Variants in SGCZ observed in about 807,000 individuals in gnomAD.
The protein encoded by SGCZ is sarcoglycan zeta, also known as zeta-sarcoglycan.
In SGCZ, 40 loss-of-function variants were observed where a neutral mutation model predicts 41.3. The observed-to-expected ratio is 0.97, with a 90% CI of 0.75 to 1.26. The LOEUF (loss-of-function observed/expected upper bound fraction) is 1.26. SGCZ is among the 50% of genes most tolerant of loss of function. The pLI, the probability that SGCZ is intolerant of heterozygous loss-of-function variation, is 0.00. For synonymous variants in SGCZ, 206 were observed against 137.5 expected, an observed-to-expected ratio of 1.50 and a Z score of -3.49; for missense variants, 552 against 369.8, an observed-to-expected ratio of 1.49 and a Z score of -4.04.
chr8:14,237,499 C>CATCA, intron 4 of SGCZ, 93 bp downstream of exon 4: 1 of 1,159,236 alleles, frequency 8.6e-7, no homozygotes, highest in Admixed American at 1.9e-5. Flanking sequence ...ACAACAACAA[C>CATCA]AACAACAACG....
chr8:14,263,878 G>A (rs1315699441), intron 3 of SGCZ, among the ~76,000 whole-genome samples: 3 of 152,116 alleles, frequency 2.0e-5, no homozygotes, highest in Non-Finnish European at 2.9e-5. Context: ...GAAGCGAGAG[G>A]GAAGTAATTG....
intron 1 of SGCZ, among the ~76,000 whole-genome samples, chr8:14,670,088 A>T (rs1437856062): frequency 6.6e-6 from 1 of 152,210 alleles, no homozygotes; most frequent in African/African-American, 2.4e-5. Flanking sequence ...ATTCAACTCC[A>T]GCAGGAATTT....
intron 3 of SGCZ, among the ~76,000 whole-genome samples, chr8:14,291,118 T>C (rs1800826605): frequency 6.6e-6 from 1 of 152,044 alleles, no homozygotes; most frequent in African/African-American, 2.4e-5. Context: ...TCTAAAAAGT[T>C]TTTATCACAA....
At chr8:14,203,312 G>A (rs1805516476) in intron 4 of SGCZ, among the ~76,000 whole-genome samples, 1 of 152,192 alleles carries the variant, frequency 6.6e-6, no homozygotes, top group African/African-American at 2.4e-5. Flanking sequence ...GACGAGAAGA[G>A]TGTAGGAGAT....
chr8:15,132,433 G>A (rs1807945395), intron 1 of SGCZ, among the ~76,000 whole-genome samples: 1 of 152,130 alleles, frequency 6.6e-6, no homozygotes, highest in Admixed American at 6.6e-5. Flanking sequence ...GCCATCACAT[G>A]CCTCATGGAG....
chr8:14,096,722 T>A lies in SGCZ; in HGVS notation c.744+5654A>T, dbSNP rs1159249349. On this transcript the variant is annotated intron_variant, in intron 7 of 7. Coordinates refer to ENST00000382080, the MANE Select transcript of SGCZ (RefSeq NM_139167.4). ...ACCTCTGGTAGAATTCAGCTTTGTA[T>A]CTGTCTGGTCCAGAACTTTTTTTGG... is the stretch of plus-strand genomic sequence containing the variant. 2.6e-5 allele frequency among the ~76,000 whole-genome samples: 4 copies of A among 152,286 alleles called. No individual in the cohort carries two copies. The East Asian group carries it at 7.7e-4, about 29-fold the overall frequency.
intron 2 of SGCZ, among the ~76,000 whole-genome samples, chr8:14,422,883 C>T (rs986923063): frequency 2.0e-5 from 3 of 152,026 alleles, no homozygotes; most frequent in African/African-American, 4.8e-5. Context: ...TAAAAATTAG[C>T]CAGGCATGGT....
At chr8:15,067,219 T>A (rs28721284) in intron 1 of SGCZ, among the ~76,000 whole-genome samples, 25,178 of 152,066 alleles carry the variant, frequency 0.17, 2,380 homozygotes, top group African/African-American at 0.25. Context: ...TCCTCCGGCT[T>A]GCCTACACAC....
chr8:14,933,125 CAT>C (rs1329662766), intron 1 of SGCZ, among the ~76,000 whole-genome samples: 1 of 151,952 alleles, frequency 6.6e-6, no homozygotes, highest in African/African-American at 2.4e-5. Flanking sequence ...ACCTAGGTAA[CAT>C]AGTGTTTGGC....
chr8:14,495,324 G>A (rs1435653783), intron 2 of SGCZ, among the ~76,000 whole-genome samples: 2 of 152,128 alleles, frequency 1.3e-5, no homozygotes, highest in Non-Finnish European at 2.9e-5. Flanking sequence ...CTTTCATTGA[G>A]TAACTATTGC....
intron 1 of SGCZ, among the ~76,000 whole-genome samples, chr8:14,637,029 A>G (rs1806852227): frequency 6.6e-6 from 1 of 151,494 alleles, no homozygotes; most frequent in Non-Finnish European, 1.5e-5. Flanking sequence ...TCTGGCCTTC[A>G]TTGCAATCTC....
chr8:14,459,828 T>C (rs1335215570), intron 2 of SGCZ, among the ~76,000 whole-genome samples: 1 of 151,994 alleles, frequency 6.6e-6, no homozygotes, highest in Non-Finnish European at 1.5e-5. Flanking sequence ...CGCAATATAA[T>C]CAAAAGAAAA....
At chr8:14,458,437 T>C (rs1267333442) in intron 2 of SGCZ, among the ~76,000 whole-genome samples, 1 of 152,146 alleles carries the variant, frequency 6.6e-6, no homozygotes, top group Non-Finnish European at 1.5e-5. Flanking sequence ...AAACCACATG[T>C]ATATTAGGAT....
chr8:15,228,417 G>A (rs1311507152), intron 1 of SGCZ, among the ~76,000 whole-genome samples: 1 of 152,154 alleles, frequency 6.6e-6, no homozygotes, highest in Non-Finnish European at 1.5e-5. Flanking sequence ...CTGAGGCATC[G>A]ACTTTAAGAA....
chr8:14,772,000 T>A (rs1368694282), intron 1 of SGCZ, among the ~76,000 whole-genome samples: 1 of 152,166 alleles, frequency 6.6e-6, no homozygotes, highest in Non-Finnish European at 1.5e-5. Flanking sequence ...TGATGATTTT[T>A]CAACTTTACA....
intron 1 of SGCZ, among the ~76,000 whole-genome samples, chr8:14,820,939 A>T (rs1380927359): frequency 1.3e-5 from 2 of 151,718 alleles, no homozygotes; most frequent in Non-Finnish European, 3.0e-5. Context: ...AAACACTAGA[A>T]AAAACTAAAC....
At chr8:14,672,192 G>T (rs919122881) in intron 1 of SGCZ, among the ~76,000 whole-genome samples, 12 of 152,070 alleles carry the variant, frequency 7.9e-5, no homozygotes, top group African/African-American at 2.9e-4. Flanking sequence ...CACTCATCTG[G>T]CAGTTAACTA....
chr8:14,088,558 A>C lies in SGCZ; in HGVS notation c.*1885T>G, dbSNP rs1368174271. On this transcript the variant is annotated 3_prime_UTR_variant, in exon 8 of 8. Coordinates refer to ENST00000382080, the MANE Select transcript of SGCZ (RefSeq NM_139167.4). Reference sequence around the variant, plus strand: ...TTCTTATATTAAATTCTCTTATTTTAATATAAATTAAACTCTTGTGTTATA... The same window carrying C: ...TTCTTATATTAAATTCTCTTATTTTCATATAAATTAAACTCTTGTGTTATA... Among the ~76,000 whole-genome samples the C allele has an allele frequency of 6.6e-6, 1 of 151,868 alleles. No individual in the cohort carries two copies. The highest frequency in any genetic ancestry group is 1.9e-4 in the East Asian group (1 of 5,164).
intron 1 of SGCZ, among the ~76,000 whole-genome samples, chr8:14,626,578 T>A (rs368581271): frequency 6.6e-6 from 1 of 151,986 alleles, no homozygotes. Flanking sequence ...CACACTGGAG[T>A]AGGGTGGGCC....
Sources: gnomAD v4.1 joint callset for allele counts (sites outside exome capture counted in the v4.1 genomes callset) on GRCh38, gnomAD v4.1.1 for gene constraint, MANE v1.5 for transcripts, NCBI Gene and HGNC (gene_info 2026-07-23, HGNC 2026-07-21) for gene names.